Variants in REDIC1 observed in about 807,000 individuals in gnomAD.
The protein encoded by REDIC1 is HEI10 Interacting Protein 1.
chr12:39,901,916 C>A, the REDIC1 span, among the ~76,000 whole-genome samples: 12 of 151,764 alleles, frequency 7.9e-5, no homozygotes, highest in East Asian at 3.9e-4. Context: ...GGCATTATTC[C>A]CAATAGCAAA....
chr12:39,862,715 TA>T, the REDIC1 span, among the ~76,000 whole-genome samples: 2 of 152,180 alleles, frequency 1.3e-5, no homozygotes, highest in African/African-American at 4.8e-5. Flanking sequence ...TTTTTATTCT[TA>T]ATTATTGTGT....
At chr12:39,633,224 G>C in the REDIC1 span, among the ~76,000 whole-genome samples, 1 of 151,940 alleles carries the variant, frequency 6.6e-6, no homozygotes, top group African/African-American at 2.4e-5. Flanking sequence ...TATATCCTTA[G>C]TCTAAGTTTT....
chr12:39,905,496 G>T, the REDIC1 span, among the ~76,000 whole-genome samples: 1 of 151,986 alleles, frequency 6.6e-6, no homozygotes, highest in African/African-American at 2.4e-5. Flanking sequence ...TTCATTTTGT[G>T]GCATTTTTCT....
At chr12:39,884,749 C>T in the REDIC1 span, among the ~76,000 whole-genome samples, 2 of 152,162 alleles carry the variant, frequency 1.3e-5, no homozygotes, top group African/African-American at 4.8e-5. Flanking sequence ...CGATGAGCTC[C>T]ACCTTACAGT....
the REDIC1 span, among the ~76,000 whole-genome samples, chr12:39,842,749 A>T: frequency 2.4e-4 from 37 of 152,028 alleles, no homozygotes; most frequent in African/African-American, 8.9e-4. Flanking sequence ...TTCATTGCTC[A>T]AGAATAAATC....
the REDIC1 span, among the ~76,000 whole-genome samples, chr12:39,743,838 C>T: frequency 6.6e-6 from 1 of 152,114 alleles, no homozygotes; most frequent in Non-Finnish European, 1.5e-5. Context: ...TCTCTAAGAA[C>T]TGTGGGGCAA....
the REDIC1 span, among the ~76,000 whole-genome samples, chr12:39,844,678 C>T: frequency 9.2e-5 from 14 of 152,050 alleles, no homozygotes; most frequent in South Asian, 2.1e-4. Flanking sequence ...ATACACTCAG[C>T]TTTCAATGCT....
At chr12:39,861,386 A>G in the REDIC1 span, among the ~76,000 whole-genome samples, 5 of 152,372 alleles carry the variant, frequency 3.3e-5, no homozygotes, top group Middle Eastern at 3.4e-3. Flanking sequence ...TAAGTGAATA[A>G]GATAAAAACC....
At chr12:39,637,887 G>A in the REDIC1 span, among the ~76,000 whole-genome samples, 8 of 151,996 alleles carry the variant, frequency 5.3e-5, no homozygotes, top group Non-Finnish European at 1.2e-4. Flanking sequence ...CAACTATTAA[G>A]GAGTACATAT....
chr12:39,658,144 G>T, the REDIC1 span, among the ~76,000 whole-genome samples: 1 of 151,380 alleles, frequency 6.6e-6, no homozygotes, highest in Non-Finnish European at 1.5e-5. Context: ...GCAGTGGTGT[G>T]ATGTTGGCTC....
the REDIC1 span, among the ~76,000 whole-genome samples, chr12:39,690,345 T>C: frequency 6.6e-6 from 1 of 151,864 alleles, no homozygotes; most frequent in African/African-American, 2.4e-5. Flanking sequence ...ATTTTAAAGG[T>C]TTAGTAGAGG....
chr12:39,774,023 AT>A, the REDIC1 span, among the ~76,000 whole-genome samples: 1 of 152,324 alleles, frequency 6.6e-6, no homozygotes, highest in African/African-American at 2.4e-5. Context: ...TCCCTAAGCT[AT>A]CACCTCAAAA....
chr12:39,799,143 T>C, the REDIC1 span, among the ~76,000 whole-genome samples: 1 of 149,302 alleles, frequency 6.7e-6, no homozygotes, highest in South Asian at 2.1e-4. Flanking sequence ...AGTGCAGTGG[T>C]GCAATCTCAG....
At chr12:39,865,477 T>A in the REDIC1 span, among the ~76,000 whole-genome samples, 7 of 152,202 alleles carry the variant, frequency 4.6e-5, no homozygotes, top group Non-Finnish European at 8.8e-5. Context: ...CCTGTTGGTA[T>A]TTGAAAGTGA....
chr12:39,660,479 C>A, the REDIC1 span, among the ~76,000 whole-genome samples: 2 of 152,082 alleles, frequency 1.3e-5, no homozygotes, highest in Non-Finnish European at 2.9e-5. Flanking sequence ...TGACTGAAAA[C>A]TGTTGTCCAT....
chr12:39,906,231 T>C, the REDIC1 span, among the ~76,000 whole-genome samples: 1 of 152,168 alleles, frequency 6.6e-6, no homozygotes, highest in African/African-American at 2.4e-5. Flanking sequence ...CCAACTATCA[T>C]TTATTAGGAA....
the REDIC1 span, among the ~76,000 whole-genome samples, chr12:39,651,698 G>A: frequency 6.6e-6 from 1 of 152,076 alleles, no homozygotes; most frequent in Non-Finnish European, 1.5e-5. Flanking sequence ...CCAGGTAACA[G>A]TTCTTTTTTG....
At chr12:39,640,121 A>G in the REDIC1 span, among the ~76,000 whole-genome samples, 2 of 149,536 alleles carry the variant, frequency 1.3e-5, no homozygotes, top group Non-Finnish European at 3.0e-5. Context: ...CCAAGTTCAT[A>G]TGTTAACATC....
chr12:39,795,196 C>T, the REDIC1 span, among the ~76,000 whole-genome samples: 1 of 151,886 alleles, frequency 6.6e-6, no homozygotes, highest in Non-Finnish European at 1.5e-5. Context: ...CCCCCCACCT[C>T]TCTCTCTCTC....
Sources: gnomAD v4.1 joint callset for allele counts (sites outside exome capture counted in the v4.1 genomes callset) on GRCh38, gnomAD v4.1.1 for gene constraint, MANE v1.5 for transcripts, NCBI Gene and HGNC (gene_info 2026-07-23, HGNC 2026-07-21) for gene names.